The following MN1 variants were observed in gnomAD, a reference collection of about 807,000 sequenced individuals.
MN1 encodes the protein transcriptional activator MN1.
A neutral mutation model predicts 86.9 loss-of-function variants in MN1; 19 were observed. That is an observed-to-expected ratio of 0.22 (90% CI 0.15 to 0.32). MN1 has a LOEUF of 0.32. Ranked by LOEUF, MN1 falls within the 10% of genes least tolerant of loss-of-function variation. The pLI, the probability that MN1 is intolerant of heterozygous loss-of-function variation, is 1.00. For missense variants in MN1, 1,841 were observed against 1,862.0 expected (o/e 0.99, Z 0.21); for synonymous variants, 928 against 849.6 (o/e 1.09, Z -1.60).
Position 27,798,255 on chromosome 22 carries a change from C to A in MN1, c.2289G>T (p.Val763=). 6.6e-7 allele frequency: 1 copy of A among 1,520,246 alleles called. No individual in the cohort carries two copies. Among genetic ancestry groups the A allele is most frequent in the Non-Finnish European group, 8.7e-7 (1 of 1,145,078 alleles). The allele number at this position is 1,520,246 out of a possible 1,614,324, so 94.2% of individuals were successfully genotyped here. ...CCCCTCCCGCGCTGGGGGGCGAGTT[C>A]ACGCCTGGACCGCTGTGCGGCGTGG... ...RQSTPHSGPG[V]NSPPSAGGGG... Residue 763 remains valine, a synonymous_variant, in exon 1 of 2, where the codon GTG becomes GTT. Coordinates refer to ENST00000302326, the MANE Select transcript of MN1 (RefSeq NM_002430.3).
At position 27,801,320 on chromosome 22, in the gene MN1, G is replaced by C. The variant is rs1008548730; in HGVS notation, c.-777C>G. 2.0e-4 allele frequency: 43 copies of C among 219,430 alleles called. No individual in the cohort carries two copies. Among genetic ancestry groups the C allele is most frequent in the African/African-American group, 7.6e-4 (34 of 44,664 alleles). 13.6% of individuals were successfully genotyped at this position (219,430 alleles called of 1,614,324 possible). A position where few individuals can be genotyped will look rare whatever the true frequency, so the allele number is the denominator to read the frequency against. ...GGGGAAAGGCGCGGCTCCTCTGCTC[G>C]GCAGCGGGTGCGCTGCGTTCGGCGC... On this transcript the variant is annotated 5_prime_UTR_variant, in exon 1 of 2. Transcript: ENST00000302326.
intron 1 of MN1, among the ~76,000 whole-genome samples, chr22:27,768,605 G>C (rs1320458409): frequency 6.6e-6 from 1 of 152,144 alleles, no homozygotes; most frequent in Non-Finnish European, 1.5e-5. Flanking sequence ...TGTCCAACAT[G>C]GTAGCCACTA....
intron 1 of MN1, among the ~76,000 whole-genome samples, chr22:27,773,790 A>G (rs6005613): frequency 6.4e-4 from 97 of 152,186 alleles, no homozygotes; most frequent in Middle Eastern, 3.4e-3. Flanking sequence ...CCGAATACTG[A>G]GGCACAGACA....
chr22:27,786,769 G>A (rs1349309118), intron 1 of MN1, among the ~76,000 whole-genome samples: 7 of 151,478 alleles, frequency 4.6e-5, no homozygotes, highest in Admixed American at 1.3e-4. Context: ...CTGTCCTGAG[G>A]AGGTGGTGGG....
chr22:27,778,631 G>A (rs1204349785), intron 1 of MN1, among the ~76,000 whole-genome samples: 1 of 152,262 alleles, frequency 6.6e-6, no homozygotes, highest in Non-Finnish European at 1.5e-5. Flanking sequence ...AGACAGATGA[G>A]GAAACTGAGG....
chr22:27,780,761 C>A (rs1465441607), intron 1 of MN1, among the ~76,000 whole-genome samples: 1 of 152,112 alleles, frequency 6.6e-6, no homozygotes, highest in Non-Finnish European at 1.5e-5. Flanking sequence ...GTCATTCTGG[C>A]CCCTCCCCTA....
chr22:27,763,353 T>C (rs1179949211), intron 1 of MN1, among the ~76,000 whole-genome samples: 1 of 152,186 alleles, frequency 6.6e-6, no homozygotes, highest in Non-Finnish European at 1.5e-5. Context: ...GGGGCCGGCT[T>C]ACCCACATAA....
At chr22:27,796,092 G>A (rs1426884054) in intron 1 of MN1, among the ~76,000 whole-genome samples, 11 of 150,840 alleles carry the variant, frequency 7.3e-5, no homozygotes, top group Non-Finnish European at 1.6e-4. Flanking sequence ...TCAAGGGGAT[G>A]CGCCCTGAAA....
rs1201910781 is a variant in MN1 at position 27,797,203 on chromosome 22, G to A, written c.3341C>T (p.Thr1114Ile). 23 of 1,559,054 alleles carry A rather than the reference G, an allele frequency of 1.5e-5. No individual in the cohort carries two copies. The highest frequency in any genetic ancestry group is 2.0e-5 in the Non-Finnish European group (23 of 1,157,404). ...GLGIMSNSTS[T>I]PDSYGGGGGP... ...CCCACCGCCGCCGTAGCTGTCAGGG[G>A]TCGAGGTAGAGTTAGACATGATGCC... The change falls in exon 1 of 2, where the codon ACC becomes ATC. Residue 1114 changes from threonine (T) to isoleucine (I), a missense_variant. Transcript: ENST00000302326.
At chr22:27,788,887 A>AC (rs544935077) in intron 1 of MN1, among the ~76,000 whole-genome samples, 9 of 151,076 alleles carry the variant, frequency 6.0e-5, no homozygotes, top group Admixed American at 1.3e-4. Context: ...CATCAGAAAG[A>AC]CCCCCCCAGA....
rs1163534883 is a variant in MN1, at chr22:27,797,865, C to G, written c.2679G>C (p.Pro893=). Residue 893 remains proline, a synonymous_variant, in exon 1 of 2, where the codon CCG becomes CCC. Coordinates refer to ENST00000302326, the MANE Select transcript of MN1 (RefSeq NM_002430.3). The part of the protein sequence containing the change: ...TAPGAPGPGG[P]SGTSSSGSKA... The stretch of plus-strand genomic sequence containing the variant: ...TGGAGCCGCTGCTACTGGTCCCGGA[C>G]GGGCCTCCGGGTCCTGGGGCCCCAG... 6.3e-7 allele frequency: 1 copy of G among 1,586,062 alleles called. No individual in the cohort carries two copies. Among genetic ancestry groups the G allele is most frequent in the African/African-American group, 1.4e-5 (1 of 73,838 alleles).
Position 27,790,331 on chromosome 22 carries a change from C to T in MN1, c.3781+6432G>A, listed in dbSNP as rs900514584. 2.0e-5 allele frequency among the ~76,000 whole-genome samples: 3 copies of T among 152,234 alleles called. No homozygotes were observed. The East Asian group carries it at 5.8e-4, about 29-fold the overall frequency. ...ATCATCTCACCCACGCTCTGCAAAG[C>T]GGCTGATCACCCAGGTGAGGCTGCA... On this transcript the variant is annotated intron_variant, in intron 1 of 1. Transcript: ENST00000302326.
rs766452614 is a variant in MN1, at chr22:27,796,745, A to G, written c.3781+18T>C. 1 of 1,565,978 alleles carries G rather than the reference A, an allele frequency of 6.4e-7. No homozygotes were observed. On this transcript the variant is annotated intron_variant, in intron 1 of 1. Coordinates refer to ENST00000302326, the MANE Select transcript of MN1 (RefSeq NM_002430.3). ...GCGGGTCACCCGGGAAGTGAGAGGAAAACGAGTGTGCATATACCTTCTTTG... is the reference window on the plus strand; with the variant it reads ...GCGGGTCACCCGGGAAGTGAGAGGAGAACGAGTGTGCATATACCTTCTTTG...
chr22:27,760,960 C>T (rs929466974), intron 1 of MN1, among the ~76,000 whole-genome samples: 1 of 152,204 alleles, frequency 6.6e-6, no homozygotes, highest in Non-Finnish European at 1.5e-5. Flanking sequence ...ACACACTAGC[C>T]CATTTTACAG....
At chr22:27,775,833 T>TCC (rs1367984617) in intron 1 of MN1, among the ~76,000 whole-genome samples, 1 of 152,082 alleles carries the variant, frequency 6.6e-6, no homozygotes, top group Non-Finnish European at 1.5e-5. Flanking sequence ...CTCCGCTCTC[T>TCC]CCCCGAATGG....
At chr22:27,796,640 T>C (rs1314876657) in intron 1 of MN1, 123 bp downstream of exon 1, 2 of 976,830 alleles carry the variant, frequency 2.0e-6, no homozygotes, top group South Asian at 1.6e-5. Context: ...CAGCTCCTAG[T>C]TGGGGATTAG....
At chr22:27,761,657 G>C (rs1161108477) in intron 1 of MN1, among the ~76,000 whole-genome samples, 1 of 152,158 alleles carries the variant, frequency 6.6e-6, no homozygotes, top group African/African-American at 2.4e-5. Context: ...TCTGCCCTGG[G>C]CACAGAGCCA....
chr22:27,798,757 C>G lies in MN1; in HGVS notation c.1787G>C (p.Gly596Ala), dbSNP rs776996702. Residue 596 changes from glycine to alanine, a missense_variant, in exon 1 of 2, where the codon GGC becomes GCC. Physicochemically the swap from Gly to Ala is moderately conservative, Grantham distance 60 (BLOSUM62 0). Transcript: ENST00000302326. The stretch of plus-strand genomic sequence containing the variant: ...CTCAAAGTTCGGCTGGGCCAAGCCG[C>G]CCACCGGGCCGCCATGCACCAGGCC... The part of the protein sequence containing the change: ...QGGLVHGGPV[G>A]GLAQPNFERE... 54 of 1,534,192 alleles carry G rather than the reference C, an allele frequency of 3.5e-5. 1 individual carries two copies. The South Asian group carries it at 6.2e-4, about 18-fold the overall frequency.
chr22:27,792,765 G>A (rs750015215), intron 1 of MN1, among the ~76,000 whole-genome samples: 1 of 152,066 alleles, frequency 6.6e-6, no homozygotes, highest in Admixed American at 6.5e-5. Context: ...CATACAACTC[G>A]TGCTGGGTAA....
Sources: gnomAD v4.1 joint callset for allele counts (sites outside exome capture counted in the v4.1 genomes callset) on GRCh38, gnomAD v4.1.1 for gene constraint, MANE v1.5 for transcripts, NCBI Gene and HGNC (gene_info 2026-07-23, HGNC 2026-07-21) for gene names.